WBP2NL: variants seen among roughly 807,000 people sequenced by gnomAD.
WBP2NL encodes postacrosomal sheath WW domain-binding protein.
A neutral mutation model predicts 23.3 loss-of-function variants in WBP2NL; 27 were observed. That is an observed-to-expected ratio of 1.16 (90% confidence interval 0.85 to 1.60). WBP2NL has a LOEUF of 1.60. Among genes scored for constraint, WBP2NL ranks in the 40% most tolerant of loss-of-function variants. The probability of loss-of-function intolerance (pLI) is 0.00; values close to 1 mark genes in which losing one functional copy is unlikely to be tolerated. For synonymous variants in WBP2NL, 151 were observed against 145.9 expected, an observed-to-expected ratio of 1.03 and a Z score of -0.25; for missense variants, 370 against 389.5, an observed-to-expected ratio of 0.95 and a Z score of 0.42.
At chr22:42,053,002 C>T (rs566710861) in intron 8 of WBP2NL, among the ~76,000 whole-genome samples, 7 of 152,216 alleles carry the variant, frequency 4.6e-5, no homozygotes, top group Non-Finnish European at 1.0e-4. Context: ...CTCATTTCCT[C>T]TTCCCTCCAT....
At chr22:42,041,979 A>G (rs191948819) in intron 8 of WBP2NL, among the ~76,000 whole-genome samples, 3 of 152,212 alleles carry the variant, frequency 2.0e-5, no homozygotes, top group Non-Finnish European at 4.4e-5. Flanking sequence ...TTTTATGTCA[A>G]TATTTGGAAC....
intron 1 of WBP2NL, 42 bp from the exon 2 acceptor site, chr22:42,019,269 T>C (rs377380175): frequency 9.4e-5 from 144 of 1,530,268 alleles, no homozygotes; most frequent in Non-Finnish European, 1.2e-4. Context: ...TCATTTTACA[T>C]ACATTCTTTA....
intron 1 of WBP2NL, among the ~76,000 whole-genome samples, chr22:42,009,868 A>G (rs1922646681): frequency 1.3e-5 from 2 of 152,060 alleles, no homozygotes; most frequent in Non-Finnish European, 1.5e-5. Context: ...TTTGGTAGGG[A>G]TTGTGTTGAA....
At chr22:42,025,674 C>CT (rs1924408242) in intron 5 of WBP2NL, among the ~76,000 whole-genome samples, 1 of 152,196 alleles carries the variant, frequency 6.6e-6, no homozygotes, top group African/African-American at 2.4e-5. Flanking sequence ...CCATTGGTCT[C>CT]TAAGTCTGTC....
chr22:42,041,375 G>A (rs994560551), intron 8 of WBP2NL, among the ~76,000 whole-genome samples: 31 of 151,786 alleles, frequency 2.0e-4, no homozygotes, highest in African/African-American at 6.3e-4. Flanking sequence ...CCAGCTACTC[G>A]GGGGGCTGAG....
intron 1 of WBP2NL, among the ~76,000 whole-genome samples, chr22:41,999,868 C>G (rs1427325327): frequency 6.6e-6 from 1 of 152,216 alleles, no homozygotes; most frequent in Admixed American, 6.5e-5. Context: ...CTTGCGGTGC[C>G]TGCTGCTGGC....
chr22:42,051,718 A>G (rs932256083), intron 8 of WBP2NL, among the ~76,000 whole-genome samples: 1 of 152,104 alleles, frequency 6.6e-6, no homozygotes, highest in African/African-American at 2.4e-5. Flanking sequence ...GGAGAGACTG[A>G]TTTCCCACAG....
At chr22:42,018,156 A>G (rs529951422) in intron 1 of WBP2NL, among the ~76,000 whole-genome samples, 1 of 151,388 alleles carries the variant, frequency 6.6e-6, no homozygotes, top group Admixed American at 6.6e-5. Context: ...CTCAAAAAAA[A>G]AAAAAAAAAA....
At chr22:42,019,942 G>T in intron 3 of WBP2NL, 62 bp from the exon 4 acceptor site, 2 of 1,595,750 alleles carry the variant, frequency 1.3e-6, no homozygotes, top group East Asian at 2.2e-5. Flanking sequence ...GGTGTTTGTG[G>T]CAGTCTTTCT....
chr22:41,999,315 C>G (rs1334927394), intron 1 of WBP2NL, among the ~76,000 whole-genome samples: 2 of 152,186 alleles, frequency 1.3e-5, no homozygotes, highest in African/African-American at 4.8e-5. Context: ...GTATCTCCTC[C>G]TACTTCCACG....
At chr22:42,014,429 G>A (rs1023631611) in intron 1 of WBP2NL, among the ~76,000 whole-genome samples, 1 of 152,042 alleles carries the variant, frequency 6.6e-6, no homozygotes. Context: ...GTTTCACCAT[G>A]TTGCCCTTGC....
chr22:42,035,322 C>T (rs948190669), downstream of WBP2NL, among the ~76,000 whole-genome samples: 1 of 152,266 alleles, frequency 6.6e-6, no homozygotes. Context: ...TCTGCAGCCA[C>T]GGTTTGGGCA....
chr22:42,032,971 A>C, downstream of WBP2NL: 1 of 179,844 alleles, frequency 5.6e-6, no homozygotes, highest in Non-Finnish European at 1.2e-5. Context: ...CTGGCCAGAA[A>C]CCTCTGTGGA....
chr22:42,006,041 T>A (rs914131034), intron 1 of WBP2NL, among the ~76,000 whole-genome samples: 3 of 152,144 alleles, frequency 2.0e-5, no homozygotes, highest in Non-Finnish European at 4.4e-5. Context: ...TTAAGAAAAT[T>A]AGGCAAAGCT....
At chr22:42,000,655 G>T (rs779277446) in intron 1 of WBP2NL, among the ~76,000 whole-genome samples, 1 of 151,990 alleles carries the variant, frequency 6.6e-6, no homozygotes, top group East Asian at 1.9e-4. Context: ...ATAGCCGGGC[G>T]CGGTGGCCCA....
At chr22:42,046,767 GGA>G (rs1925603562) in intron 8 of WBP2NL, among the ~76,000 whole-genome samples, 2 of 151,938 alleles carry the variant, frequency 1.3e-5, no homozygotes, top group African/African-American at 4.9e-5. Context: ...TTTTAATGAT[GGA>G]TAAACTTGCT....
At chr22:42,010,689 C>G (rs1353952225) in intron 1 of WBP2NL, among the ~76,000 whole-genome samples, 1 of 152,154 alleles carries the variant, frequency 6.6e-6, no homozygotes, top group African/African-American at 2.4e-5. Context: ...CAGGCGCCCA[C>G]CACCACACCC....
chr22:42,041,481 TAA>T (rs35848343), intron 8 of WBP2NL, among the ~76,000 whole-genome samples: 2,793 of 112,750 alleles, frequency 0.025, 99 homozygotes, highest in African/African-American at 0.098. Flanking sequence ...GTTCTGTCTT[TAA>T]AAAAAAAAAA....
chr22:42,046,688 AC>A (rs1759646098), intron 8 of WBP2NL, among the ~76,000 whole-genome samples: 1 of 152,182 alleles, frequency 6.6e-6, no homozygotes, highest in South Asian at 2.1e-4. Context: ...TATAAGAGTT[AC>A]TTTTTTGGAT....
Sources: gnomAD v4.1 joint callset for allele counts (sites outside exome capture counted in the v4.1 genomes callset) on GRCh38, gnomAD v4.1.1 for gene constraint, MANE v1.5 for transcripts, NCBI Gene and HGNC (gene_info 2026-07-23, HGNC 2026-07-21) for gene names.